TGOLN2: variants seen among roughly 807,000 people sequenced by gnomAD.
TGOLN2 encodes trans-Golgi network integral membrane protein 2.
A neutral mutation model predicts 31.3 loss-of-function variants in TGOLN2; 19 were observed. That is an observed-to-expected ratio of 0.61 (90% CI 0.42 to 0.89). The LOEUF (loss-of-function observed/expected upper bound fraction) is 0.89, where lower values mean the gene tolerates loss of function less well. TGOLN2 is among the 40% of genes least tolerant of loss of function. The probability of loss-of-function intolerance (pLI) is 0.00; values close to 1 mark genes in which losing one functional copy is unlikely to be tolerated. For missense variants in TGOLN2, 540 were observed against 559.2 expected (o/e 0.97, Z 0.35); for synonymous variants, 222 against 226.7 (o/e 0.98, Z 0.19).
Position 85,318,649 on chromosome 2 carries a change from C to G in TGOLN2, c.*4087G>C, listed in dbSNP as rs952657029. On this transcript the variant is annotated 3_prime_UTR_variant, in exon 4 of 4. Coordinates refer to ENST00000377386, the MANE Select transcript of TGOLN2 (RefSeq NM_006464.4). Reference sequence around the variant, plus strand: ...CCATAGCATCTGGCATCAGGTTACCCTGTACAGTCAACGGCCATAGAAGTC... The same window carrying G: ...CCATAGCATCTGGCATCAGGTTACCGTGTACAGTCAACGGCCATAGAAGTC... The G allele has an allele frequency of 6.6e-6, 1 of 152,266 alleles. No homozygotes were observed. Among genetic ancestry groups the G allele is most frequent in the Admixed American group, 6.5e-5 (1 of 15,282 alleles). The allele number at this position is 152,266 out of a possible 1,614,324, so 9.4% of individuals were successfully genotyped here.
rs1255765707 is a variant in TGOLN2 at position 85,323,735 on chromosome 2, C to T, written c.1309-994G>A. On this transcript the variant is annotated intron_variant, in intron 3 of 3. Transcript: ENST00000377386. ...CTAATATTGAGTTGTGCAAGAGAAT[C>T]GTGTTCCCTGCAGGAAGTCTGGGAA... Among the ~76,000 whole-genome samples the T allele has an allele frequency of 2.0e-5, 3 of 152,330 alleles. No individual in the cohort carries two copies. The East Asian group carries it at 5.8e-4, about 29-fold the overall frequency.
chr2:85,324,902 C>G lies in TGOLN2; in HGVS notation c.1308+13G>C, dbSNP rs1682679892. 1 of 1,553,032 alleles carries G rather than the reference C, an allele frequency of 6.4e-7. No individual in the cohort carries two copies. The highest frequency in any genetic ancestry group is 8.7e-7 in the Non-Finnish European group (1 of 1,147,498). ...TCCTATCCCTCCCATGGACCTGGCT[C>G]CTCCTTCCTTACCTTCTGGTCCAAA... is the stretch of plus-strand genomic sequence containing the variant. On this transcript the variant is annotated intron_variant, in intron 3 of 3. Transcript: ENST00000377386.
chr2:85,320,177 G>A lies in TGOLN2; in HGVS notation c.*2559C>T, dbSNP rs1045680830. 6.6e-6 allele frequency: 1 copy of A among 152,320 alleles called. No individual in the cohort carries two copies. Among genetic ancestry groups the A allele is most frequent in the African/African-American group, 2.4e-5 (1 of 41,460 alleles). The allele number at this position is 152,320 out of a possible 1,614,324, so 9.4% of individuals were successfully genotyped here. On this transcript the variant is annotated 3_prime_UTR_variant, in exon 4 of 4. Coordinates refer to ENST00000377386, the MANE Select transcript of TGOLN2 (RefSeq NM_006464.4). ...CAGGTTGGGATGCAGAGAAAAACAG[G>A]CAGGAGGGTGTCAATCTATAGCATC...
Position 85,318,266 on chromosome 2 carries a change from C to T in TGOLN2, c.*4470G>A, listed in dbSNP as rs2104402140. ...CTGGGAAAACACAAAAGAAGAGAAA[C>T]AATTTCAACCATTAATCATTTATCA... is the stretch of plus-strand genomic sequence containing the variant. On this transcript the variant is annotated 3_prime_UTR_variant, in exon 4 of 4. Coordinates refer to ENST00000377386, the MANE Select transcript of TGOLN2 (RefSeq NM_006464.4). The T allele has an allele frequency of 6.6e-6, 1 of 152,242 alleles. No individual in the cohort carries two copies. Among genetic ancestry groups the T allele is most frequent in the South Asian group, 2.1e-4 (1 of 4,820 alleles). The allele number at this position is 152,242 out of a possible 1,614,324, so 9.4% of individuals were successfully genotyped here. A position where few individuals can be genotyped will look rare whatever the true frequency, so the allele number is the denominator to read the frequency against.
In TGOLN2 at chr2:85,321,812, GACCAAA is replaced by G. The variant is rs1276857395; in HGVS notation, c.*918_*923del. The G allele has an allele frequency of 6.6e-6, 1 of 152,184 alleles. No homozygotes were observed. The highest frequency in any genetic ancestry group is 2.4e-5 in the African/African-American group (1 of 41,436). 9.4% of individuals were successfully genotyped at this position (152,184 alleles called of 1,614,324 possible). A position where few individuals can be genotyped will look rare whatever the true frequency, so the allele number is the denominator to read the frequency against. On this transcript the variant is annotated 3_prime_UTR_variant, in exon 4 of 4. Transcript: ENST00000377386. ...ATAAAAGCCCTTTGGAAAAACTGCA[GACCAAA>G]ACCAAAACCCTCCTTCATGTTTTCT...
rs529082036 is a variant in TGOLN2, at chr2:85,327,037, A to G, written c.695T>C (p.Ile232Thr). 2.4e-4 allele frequency: 366 copies of G among 1,514,520 alleles called. 7 individuals carry two copies. The South Asian group carries it at 4.2e-3, about 17-fold the overall frequency. 93.8% of individuals were successfully genotyped at this position (1,514,520 alleles called of 1,614,324 possible). ...NKSGAEEQGP[I>T]DGPSKSGAEE... Reference sequence around the variant, plus strand: ...CGCACCCGACTTGCTGGGCCCGTCTATTGGGCCCTGCTCCTCTGCACCGGA... The same window carrying G: ...CGCACCCGACTTGCTGGGCCCGTCTGTTGGGCCCTGCTCCTCTGCACCGGA... Residue 232 changes from isoleucine (I) to threonine (T), a missense_variant, in exon 2 of 4, where the codon ATA becomes ACA. Ile to Thr is a moderately conservative substitution (Grantham distance 89). Transcript: ENST00000377386.
intron 1 of TGOLN2, 40 bp from the exon 2 acceptor site, chr2:85,327,725 C>A (rs1440021944): frequency 1.5e-6 from 2 of 1,312,352 alleles, no homozygotes; most frequent in Non-Finnish European, 2.0e-6. Context: ...GAAGGGCAGG[C>A]GGGAAGAAGG....
rs58373482 is a variant in TGOLN2 at position 85,322,226 on chromosome 2, C to G, written c.*510G>C. On this transcript the variant is annotated 3_prime_UTR_variant, in exon 4 of 4. Coordinates refer to ENST00000377386, the MANE Select transcript of TGOLN2 (RefSeq NM_006464.4). ...ATGTCTTCTGTAGGGCACATCCCCC[C>G]CAAAGTAAGAGGCCTTAGTAGAAAA... 4.4e-3 allele frequency: 756 copies of G among 169,940 alleles called. 16 individuals carry two copies. The East Asian group carries it at 0.077, about 17-fold the overall frequency. The allele number at this position is 169,940 out of a possible 1,614,324, so 10.5% of individuals were successfully genotyped here. A position where few individuals can be genotyped will look rare whatever the true frequency, so the allele number is the denominator to read the frequency against.
chr2:85,326,462 G>A (rs1452266726), intron 2 of TGOLN2, 46 bp downstream of exon 2: 1 of 1,581,592 alleles, frequency 6.3e-7, no homozygotes, highest in East Asian at 2.2e-5. Flanking sequence ...AAGCTTCCAG[G>A]GTGCTGGAAA....
In TGOLN2 at chr2:85,326,514, C is replaced by T. The variant is rs769438367; in HGVS notation, c.1218G>A (p.Lys406=). 1.4e-5 allele frequency: 23 copies of T among 1,610,076 alleles called. No individual in the cohort carries two copies. Among genetic ancestry groups the T allele is most frequent in the Non-Finnish European group, 2.0e-5 (23 of 1,176,778 alleles). Residue 406 remains lysine, a synonymous_variant, in exon 2 of 4, where the codon AAG becomes AAA. Transcript: ENST00000377386. The part of the protein sequence containing the change: ...VAVLYIAHHN[K]RKIIAFVLEG... The stretch of plus-strand genomic sequence containing the variant: ...AAGGCCGCTGTCGACTTACCTTCCG[C>T]TTGTTGTGATGAGCGATATAGAGGA...
Position 85,327,572 on chromosome 2 carries a change from T to A in TGOLN2, c.160A>T (p.Thr54Ser). The A allele has an allele frequency of 6.2e-7, 1 of 1,614,074 alleles. No homozygotes were observed. The highest frequency in any genetic ancestry group is 2.2e-5 in the East Asian group (1 of 44,894). ...GTCTGCGGCTCCGGATGCGACTTGG[T>A]AGAGCCTCCAGGCCGTTGGCTCAAG... ...PSLSQRPGGS[T>S]KSHPEPQTPK... The change falls in exon 2 of 4, where the codon ACC becomes TCC. Residue 54 changes from threonine (T) to serine (S), a missense_variant. Physicochemically the swap from Thr to Ser is moderately conservative, Grantham distance 58 (BLOSUM62 1). Transcript: ENST00000377386.
chr2:85,322,829 A>G lies in TGOLN2; in HGVS notation c.1309-88T>C, dbSNP rs771611593. On this transcript the variant is annotated intron_variant, in intron 3 of 3. Transcript: ENST00000377386. Reference sequence around the variant, plus strand: ...CCCACCACCACAGAAACAGCAATTAATTAAAATAGCACACAAAATGATTTT... The same window carrying G: ...CCCACCACCACAGAAACAGCAATTAGTTAAAATAGCACACAAAATGATTTT... 3 of 1,568,192 alleles carry G rather than the reference A, an allele frequency of 1.9e-6. No homozygotes were observed. The African/African-American group carries it at 4.1e-5, about 22-fold the overall frequency.
intron 2 of TGOLN2, among the ~76,000 whole-genome samples, chr2:85,325,474 A>G (rs1028963622): frequency 6.6e-6 from 1 of 152,134 alleles, no homozygotes; most frequent in African/African-American, 2.4e-5. Context: ...TAGAATAAGA[A>G]ATACACTTTT....
At chr2:85,322,884 A>C (rs1471800442) in intron 3 of TGOLN2, 143 bp from the exon 4 acceptor site, 1 of 1,375,022 alleles carries the variant, frequency 7.3e-7, no homozygotes, top group Admixed American at 2.7e-5. Flanking sequence ...TAACACTAGA[A>C]AGATATACAC....
Position 85,327,489 on chromosome 2 carries a change from G to A in TGOLN2, c.243C>T (p.Pro81=), listed in dbSNP as rs754237100. ...TCTTTGCCTCCGCACCCGACTTGTT[G>A]GGGGTGTCTTCTGGGGTCTGCGCCT... ...SAEAQTPEDT[P]NKSGAEAKTQ... is the part of the protein sequence containing the mutation. Residue 81 remains proline, a synonymous_variant, in exon 2 of 4, where the codon CCC becomes CCT. Transcript: ENST00000377386. 51 of 1,613,100 alleles carry A rather than the reference G, an allele frequency of 3.2e-5. No homozygotes were observed. Among genetic ancestry groups the A allele is most frequent in the Non-Finnish European group, 3.4e-5 (40 of 1,179,672 alleles).
rs1380812586 is a variant in TGOLN2 at position 85,322,934 on chromosome 2, G to A, written c.1309-193C>T. ...GGAATCCTGGCTTCTGCTTCATACTGTTCTGTACTGTTGTGAATTATTTAC... is the reference window on the plus strand; with the variant it reads ...GGAATCCTGGCTTCTGCTTCATACTATTCTGTACTGTTGTGAATTATTTAC... On this transcript the variant is annotated intron_variant, in intron 3 of 3. Transcript: ENST00000377386. The A allele has an allele frequency of 5.2e-6, 5 of 957,380 alleles. No individual in the cohort carries two copies. The African/African-American group carries it at 6.7e-5, about 13-fold the overall frequency. The allele number at this position is 957,380 out of a possible 1,614,324, so 59.3% of individuals were successfully genotyped here. A position where few individuals can be genotyped will look rare whatever the true frequency, so the allele number is the denominator to read the frequency against.
At chr2:85,323,511 A>G (rs1027194542) in intron 3 of TGOLN2, among the ~76,000 whole-genome samples, 2 of 152,172 alleles carry the variant, frequency 1.3e-5, no homozygotes, top group Non-Finnish European at 2.9e-5. Flanking sequence ...GGTTGCAGTG[A>G]GCCAAGATTG....
chr2:85,327,934 A>G lies in TGOLN2; in HGVS notation c.29T>C (p.Leu10Pro). 6.2e-7 allele frequency: 1 copy of G among 1,603,170 alleles called. No homozygotes were observed. Among genetic ancestry groups the G allele is most frequent in the Non-Finnish European group, 8.5e-7 (1 of 1,175,372 alleles). Residue 10 changes from leucine to proline, a missense_variant, in exon 1 of 4, where the codon CTG becomes CCG. Physicochemically the swap from Leu to Pro is moderately conservative, Grantham distance 98. Coordinates refer to ENST00000377386, the MANE Select transcript of TGOLN2 (RefSeq NM_006464.4). MRFVVALVL[L>P]NVAAAGAVPL... ...GGTCTTACCCGCCGCTGCGACGTTC[A>G]GGAGGACCAAGGCAACCACGAACCG... is the stretch of plus-strand genomic sequence containing the variant.
intron 3 of TGOLN2, 63 bp from the exon 4 acceptor site, chr2:85,322,804 C>T (rs1324381130): frequency 1.5e-5 from 24 of 1,583,648 alleles, no homozygotes; most frequent in Non-Finnish European, 2.0e-5. Context: ...GACATACTGA[C>T]CCACCACCAC....
Sources: gnomAD v4.1 joint callset for allele counts (sites outside exome capture counted in the v4.1 genomes callset) on GRCh38, gnomAD v4.1.1 for gene constraint, MANE v1.5 for transcripts, NCBI Gene and HGNC (gene_info 2026-07-23, HGNC 2026-07-21) for gene names.